Variants in EVI5 observed in about 807,000 individuals in gnomAD.
EVI5 encodes ecotropic viral integration site 5 protein homolog.
A neutral mutation model predicts 112.0 loss-of-function variants in EVI5; 73 were observed. The ratio of observed to expected loss-of-function variants is 0.65; its 90% CI spans 0.54 to 0.79. EVI5 has a LOEUF of 0.79. Among genes scored for constraint, EVI5 ranks in the 30% least tolerant of loss-of-function variants. The probability of loss-of-function intolerance (pLI) is 0.00; values close to 1 mark genes in which losing one functional copy is unlikely to be tolerated. For synonymous variants in EVI5, 305 were observed against 319.9 expected (o/e 0.95, Z 0.50); for missense variants, 900 against 968.8 (o/e 0.93, Z 0.94).
At chr1:92,657,821 T>C (rs951171209) in intron 13 of EVI5, among the ~76,000 whole-genome samples, 1 of 152,210 alleles carries the variant, frequency 6.6e-6, no homozygotes, top group Admixed American at 6.5e-5. Flanking sequence ...GGAAGGCTTT[T>C]ACTCATTGAG....
At chr1:92,515,615 T>G (rs1659737540) in intron 19 of EVI5, among the ~76,000 whole-genome samples, 1 of 152,230 alleles carries the variant, frequency 6.6e-6, no homozygotes, top group Admixed American at 6.5e-5. Context: ...TAAAATATGC[T>G]CCACGTCTCC....
chr1:92,567,184 G>C (rs572627715), intron 18 of EVI5, among the ~76,000 whole-genome samples: 1 of 151,910 alleles, frequency 6.6e-6, no homozygotes, highest in Non-Finnish European at 1.5e-5. Flanking sequence ...CACAGAGAAA[G>C]AAGATATTTT....
chr1:92,790,682 GGT>G (rs1686029090), intron 1 of EVI5, among the ~76,000 whole-genome samples: 1 of 151,958 alleles, frequency 6.6e-6, no homozygotes, highest in East Asian at 1.9e-4. Flanking sequence ...AGCAGGGCAT[GGT>G]GGCGTGCACC....
chr1:92,738,133 G>A (rs1300133470), intron 1 of EVI5, among the ~76,000 whole-genome samples: 2 of 152,074 alleles, frequency 1.3e-5, no homozygotes, highest in African/African-American at 4.8e-5. Flanking sequence ...AGCTCATCAG[G>A]GCAAAAGGCC....
intron 19 of EVI5, among the ~76,000 whole-genome samples, chr1:92,561,315 T>C (rs544360753): frequency 1.2e-4 from 18 of 152,296 alleles, no homozygotes; most frequent in African/African-American, 4.1e-4. Context: ...AGGGTATTAA[T>C]AAATAAAAAT....
chr1:92,599,252 A>C (rs774894687), intron 18 of EVI5, among the ~76,000 whole-genome samples: 2 of 151,992 alleles, frequency 1.3e-5, no homozygotes, highest in Non-Finnish European at 2.9e-5. Context: ...ATAATAATTT[A>C]TTAAAAGAAG....
At chr1:92,592,145 A>G (rs918472545) in intron 18 of EVI5, among the ~76,000 whole-genome samples, 3 of 152,224 alleles carry the variant, frequency 2.0e-5, no homozygotes, top group Non-Finnish European at 4.4e-5. Flanking sequence ...TGGGAGGCTG[A>G]GGCAGGAGAA....
intron 1 of EVI5, among the ~76,000 whole-genome samples, chr1:92,763,194 G>C (rs956581399): frequency 1.3e-5 from 2 of 152,036 alleles, no homozygotes; most frequent in Non-Finnish European, 2.9e-5. Context: ...GCTTAAGCCT[G>C]GGAGGTCAAG....
At chr1:92,520,369 G>T (rs975445085) in intron 19 of EVI5, among the ~76,000 whole-genome samples, 1 of 152,114 alleles carries the variant, frequency 6.6e-6, no homozygotes, top group Non-Finnish European at 1.5e-5. Flanking sequence ...CTGTTCTGTT[G>T]TGAGTGACAG....
At chr1:92,703,670 G>T in intron 3 of EVI5, 51 bp from the exon 4 acceptor site, 3 of 1,139,702 alleles carry the variant, frequency 2.6e-6, no homozygotes, top group Non-Finnish European at 3.8e-6. Context: ...GTCCTATCTT[G>T]CAAGCCAAGG....
chr1:92,563,759 A>C, intron 18 of EVI5, 22 bp from the exon 19 acceptor site: 1 of 1,508,666 alleles, frequency 6.6e-7, no homozygotes, highest in Non-Finnish European at 9.2e-7. Context: ...CAAAACAACA[A>C]AGCAAAAACA....
At chr1:92,546,888 CAAT>C (rs1365589180) in intron 19 of EVI5, among the ~76,000 whole-genome samples, 2 of 152,168 alleles carry the variant, frequency 1.3e-5, no homozygotes, top group East Asian at 3.9e-4. Flanking sequence ...GACTCCCACA[CAAT>C]AATAATGAGA....
intron 16 of EVI5, among the ~76,000 whole-genome samples, chr1:92,611,121 A>AT (rs1651685897): frequency 3.7e-5 from 1 of 26,760 alleles, no homozygotes; most frequent in African/African-American, 1.7e-4. Context: ...AAAAAAATAA[A>AT]TCCCCCCAAA....
chr1:92,596,469 G>A (rs1222772711), intron 18 of EVI5, among the ~76,000 whole-genome samples: 1 of 152,116 alleles, frequency 6.6e-6, no homozygotes, highest in Non-Finnish European at 1.5e-5. Context: ...AACACTGCCT[G>A]GTATGTACCA....
At chr1:92,757,587 G>T (rs2102967042) in intron 1 of EVI5, among the ~76,000 whole-genome samples, 1 of 151,716 alleles carries the variant, frequency 6.6e-6, no homozygotes, top group South Asian at 2.1e-4. Context: ...GGCTGGAGTA[G>T]ATCTCTTATT....
intron 18 of EVI5, among the ~76,000 whole-genome samples, chr1:92,580,068 G>T (rs905850437): frequency 1.3e-5 from 2 of 152,132 alleles, no homozygotes; most frequent in African/African-American, 4.8e-5. Flanking sequence ...TTGGAATTTT[G>T]TATCTATCAT....
rs759046077 is a variant in EVI5 at position 92,697,938 on chromosome 1, A to G, written c.687T>C (p.Asp229=). ...GTTTAAAAAGTTCACGAAGTCTATA[A>G]TCTTGCATTAATTTAACAAATACAC... is the stretch of plus-strand genomic sequence containing the variant. The part of the protein sequence containing the change: ...AFCVFVKLMQ[D]YRLRELFKPS... The change falls in exon 6 of 20, where the codon GAT becomes GAC. Residue 229 remains aspartate, a synonymous_variant. Transcript: ENST00000684568. The G allele has an allele frequency of 2.2e-5, 35 of 1,612,498 alleles. No individual in the cohort carries two copies. The highest frequency in any genetic ancestry group is 5.0e-5 in the Admixed American group (3 of 59,990).
intron 2 of EVI5, among the ~76,000 whole-genome samples, chr1:92,727,299 A>G (rs1675725254): frequency 6.6e-6 from 1 of 152,190 alleles, no homozygotes; most frequent in Non-Finnish European, 1.5e-5. Context: ...AATGGCACAA[A>G]TTTGTGAACA....
At chr1:92,666,489 G>GGAGGTGGGGGCT (rs1664916365) in intron 10 of EVI5, among the ~76,000 whole-genome samples, 2 of 140,192 alleles carry the variant, frequency 1.4e-5, no homozygotes, top group African/African-American at 5.3e-5. Context: ...TGGGGGGCTG[G>GGAGGTGGGGGCT]GAGGTGGGGG....
Sources: allele counts gnomAD v4.1 joint callset (sites outside exome capture counted in the v4.1 genomes callset), GRCh38; gene constraint gnomAD v4.1.1; transcripts MANE v1.5; gene names NCBI Gene and HGNC (gene_info 2026-07-23, HGNC 2026-07-21).